STAC2: variants seen among roughly 807,000 people sequenced by gnomAD.
STAC2 encodes SH3 and cysteine rich domain 2, also known as SH3 and cysteine-rich domain-containing protein 2.
Under a neutral mutation model 49.0 loss-of-function variants are expected in STAC2, and 36 were observed. That is an observed-to-expected ratio of 0.74 (90% confidence interval 0.56 to 0.97). The LOEUF (loss-of-function observed/expected upper bound fraction) is 0.97. Ranked by LOEUF, STAC2 falls within the 50% of genes least tolerant of loss-of-function variation. The pLI is 0.00. For missense variants in STAC2, 527 were observed against 543.8 expected, an observed-to-expected ratio of 0.97 and a Z score of 0.31; for synonymous variants, 239 against 214.7, an observed-to-expected ratio of 1.11 and a Z score of -0.99.
chr17:39,217,750 A>AT (rs2046418445), intron 2 of STAC2, 117 bp downstream of exon 2: 1 of 1,050,922 alleles, frequency 9.5e-7, no homozygotes. Flanking sequence ...CAGAGGCACA[A>AT]TTAGTATTGG....
chr17:39,212,229 T>A lies in STAC2; in HGVS notation c.*63A>T. 2 of 1,274,284 alleles carry A rather than the reference T, an allele frequency of 1.6e-6. No individual in the cohort carries two copies. The highest frequency in any genetic ancestry group is 2.2e-6 in the Non-Finnish European group (2 of 894,462). The allele number at this position is 1,274,284 out of a possible 1,614,324, so 78.9% of individuals were successfully genotyped here. On this transcript the variant is annotated 3_prime_UTR_variant, in exon 11 of 11. Coordinates refer to ENST00000333461, the MANE Select transcript of STAC2 (RefSeq NM_198993.5). ...GAGTGGACAAGGGGGCCTGATCCCCTCCCTGGCCAGAAGCAAGGTCCAGGC... is the reference window on the plus strand; with the variant it reads ...GAGTGGACAAGGGGGCCTGATCCCCACCCTGGCCAGAAGCAAGGTCCAGGC...
intron 4 of STAC2, 126 bp from the exon 5 acceptor site, chr17:39,215,356 T>A: frequency 1.1e-6 from 1 of 919,656 alleles, no homozygotes; most frequent in Non-Finnish European, 1.7e-6. Flanking sequence ...GTCTTCCTCA[T>A]CCCAGAGATG....
chr17:39,221,262 A>AT (rs1308674351), intron 1 of STAC2, among the ~76,000 whole-genome samples: 3 of 150,822 alleles, frequency 2.0e-5, no homozygotes, highest in Non-Finnish European at 4.4e-5. Context: ...CACCTGGCTA[A>AT]TTTTTTGTAT....
chr17:39,225,621 T>G lies in STAC2; in HGVS notation c.-119A>C. 2.1e-6 allele frequency: 2 copies of G among 974,514 alleles called. No individual in the cohort carries two copies. Among genetic ancestry groups the G allele is most frequent in the Non-Finnish European group, 3.1e-6 (2 of 640,516 alleles). The allele number at this position is 974,514 out of a possible 1,614,324, so 60.4% of individuals were successfully genotyped here. A position where few individuals can be genotyped will look rare whatever the true frequency, so the allele number is the denominator to read the frequency against. Reference sequence around the variant, plus strand: ...CCGTTCTCCAGAGGCTGCCCCCAGTTAGCCCCCGGCACGGCAGCCCCCAAC... The same window carrying G: ...CCGTTCTCCAGAGGCTGCCCCCAGTGAGCCCCCGGCACGGCAGCCCCCAAC... On this transcript the variant is annotated 5_prime_UTR_variant, in exon 1 of 11. Transcript: ENST00000333461. This position sits in a 1 kb window ranked among gnomAD's most constrained non-coding sequence, Gnocchi z 8.2.
At chr17:39,224,389 T>G (rs1106769) in intron 1 of STAC2, among the ~76,000 whole-genome samples, 5,539 of 152,218 alleles carry the variant, frequency 0.036, 148 homozygotes, top group Non-Finnish European at 0.058. Context: ...GCACAGCCCT[T>G]TCTATCCCAA....
At position 39,217,952 on chromosome 17, in the gene STAC2, C is replaced by A. The variant is rs769193441; in HGVS notation, c.312G>T (p.Ala104=). Residue 104 remains alanine (A), a synonymous_variant, in exon 2 of 11, where the codon GCG becomes GCT. Transcript: ENST00000333461. ...SPCPVPRPLA[A]LKPVRLHSFQ... ...AGCTGTGCAGCCTCACTGGTTTGAG[C>A]GCTGCCAGGGGGCGTGGGACTGGGC... 5 of 1,597,524 alleles carry A rather than the reference C, an allele frequency of 3.1e-6. No individual in the cohort carries two copies. The highest frequency in any genetic ancestry group is 4.3e-6 in the Non-Finnish European group (5 of 1,172,704).
chr17:39,214,881 AG>A lies in STAC2; in HGVS notation c.773-21del. 6.2e-7 allele frequency: 1 copy of A among 1,613,972 alleles called. No individual in the cohort carries two copies. The highest frequency in any genetic ancestry group is 8.5e-7 in the Non-Finnish European group (1 of 1,179,938). Reference sequence around the variant, plus strand: ...GAGATGCTAGGGGCAGGAGAGGGAAAGGGTGAGAGGCAGCAGGGAGCACCCT... The same window carrying A: ...GAGATGCTAGGGGCAGGAGAGGGAAAGGTGAGAGGCAGCAGGGAGCACCCT... On this transcript the variant is annotated intron_variant, in intron 6 of 10. Transcript: ENST00000333461.
intron 1 of STAC2, among the ~76,000 whole-genome samples, chr17:39,221,358 C>G (rs899117875): frequency 5.9e-5 from 9 of 152,182 alleles, no homozygotes; most frequent in Admixed American, 1.3e-4. Context: ...CTTGGCCTCC[C>G]AAAGTGCTGG....
rs1555594193 is a variant in STAC2, at chr17:39,218,104, G to A, written c.160C>T (p.Leu54Phe). ...LRSKSLENFFLRSGSELKCPT... is the reference protein window; with the variant it reads ...LRSKSLENFFFRSGSELKCPT... Reference sequence around the variant, plus strand: ...CACTTGAGCTCAGAGCCCGAGCGAAGGAAGAAGTTCTCCAAGCTCTTACTT... The same window carrying A: ...CACTTGAGCTCAGAGCCCGAGCGAAAGAAGAAGTTCTCCAAGCTCTTACTT... Residue 54 changes from leucine to phenylalanine, a missense_variant, in exon 2 of 11, where the codon CTT becomes TTT. Transcript: ENST00000333461. The A allele has an allele frequency of 6.2e-7, 1 of 1,613,230 alleles. No homozygotes were observed. Among genetic ancestry groups the A allele is most frequent in the Admixed American group, 1.7e-5 (1 of 60,000 alleles).
chr17:39,221,661 G>A (rs766735568), intron 1 of STAC2, among the ~76,000 whole-genome samples: 3 of 152,166 alleles, frequency 2.0e-5, no homozygotes, highest in Non-Finnish European at 2.9e-5. Flanking sequence ...TTGAACCAGC[G>A]GCTTCGGCTG....
intron 7 of STAC2, 108 bp from the exon 8 acceptor site, chr17:39,214,438 G>T: frequency 1.9e-6 from 3 of 1,545,434 alleles, no homozygotes; most frequent in Non-Finnish European, 1.7e-6. Context: ...GACACAGTGA[G>T]TCCTAGGTCA....
At position 39,217,129 on chromosome 17, in the gene STAC2, C is replaced by T. The variant is rs141087047; in HGVS notation, c.442G>A (p.Val148Ile). 101 of 1,613,988 alleles carry T rather than the reference C, an allele frequency of 6.3e-5. No individual in the cohort carries two copies. The highest frequency in any genetic ancestry group is 1.9e-4 in the South Asian group (17 of 91,086). The change falls in exon 3 of 11, where the codon GTC (valine) becomes ATC (isoleucine). Residue 148 changes from valine (V) to isoleucine (I), a missense_variant. Physicochemically the swap from Val to Ile is conservative, Grantham distance 29 (BLOSUM62 3). Transcript: ENST00000333461. Reference sequence around the variant, plus strand: ...ATCTCCTCAGAGCACCAGAGGTGGACGCTGACTTTGCACATCTTACATCGC... The same window carrying T: ...ATCTCCTCAGAGCACCAGAGGTGGATGCTGACTTTGCACATCTTACATCGC... ...GLRCKMCKVS[V>I]HLWCSEEISH...
rs566841887 is a variant in STAC2 at position 39,210,605 on chromosome 17, C to T, written c.*1687G>A. On this transcript the variant is annotated 3_prime_UTR_variant, in exon 11 of 11. Coordinates refer to ENST00000333461, the MANE Select transcript of STAC2 (RefSeq NM_198993.5). ...CAAGGCCCCAGACCCATCATGCAGC[C>T]TCATGTACAGTGGGCATTGGGCCCG... 4.6e-5 allele frequency: 7 copies of T among 152,652 alleles called. No individual in the cohort carries two copies. In the East Asian group the frequency reaches 1.1e-3, roughly 25 times the overall value. The allele number at this position is 152,652 out of a possible 1,614,324, so 9.5% of individuals were successfully genotyped here.
rs180780608 is a variant in STAC2, at chr17:39,225,718, G to C, written c.-216C>G. On this transcript the variant is annotated 5_prime_UTR_variant, in exon 1 of 11. Transcript: ENST00000333461. This position sits in a 1 kb window ranked among gnomAD's most constrained non-coding sequence, Gnocchi z 8.2. ...GGCCACCACGCTGAGCCGCAGGAGC[G>C]GGACGACCCCGGGCGCGAGGACCGA... 1.4e-3 allele frequency: 800 copies of C among 584,402 alleles called. 6 individuals are homozygous for C. The African/African-American group carries it at 0.014, about 10-fold the overall frequency. 36.2% of individuals were successfully genotyped at this position (584,402 alleles called of 1,614,324 possible). A position where few individuals can be genotyped will look rare whatever the true frequency, so the allele number is the denominator to read the frequency against.
intron 1 of STAC2, among the ~76,000 whole-genome samples, chr17:39,218,997 A>G (rs1345565529): frequency 6.6e-6 from 1 of 151,412 alleles, no homozygotes; most frequent in East Asian, 1.9e-4. Flanking sequence ...TTGACTCGTC[A>G]CCTCACAGCC....
chr17:39,212,480 A>C (rs1472855236), intron 10 of STAC2, 84 bp from the exon 11 acceptor site: 2 of 1,005,128 alleles, frequency 2.0e-6, no homozygotes, highest in Admixed American at 2.1e-5. Flanking sequence ...CAGGGGACCC[A>C]CCCTGGGGGA....
chr17:39,212,844 G>A, intron 10 of STAC2, 151 bp downstream of exon 10: 1 of 1,283,552 alleles, frequency 7.8e-7, no homozygotes, highest in South Asian at 1.5e-5. Flanking sequence ...CTGGTAGGAG[G>A]GCCCTGCAAC....
intron 10 of STAC2, 64 bp from the exon 11 acceptor site, chr17:39,212,460 C>T: frequency 1.5e-6 from 2 of 1,353,846 alleles, no homozygotes. Flanking sequence ...TGAGTCCTGC[C>T]CATGGCCCCC....
rs528924839 is a variant in STAC2 at position 39,218,212 on chromosome 17, G to C, written c.91-39C>G. On this transcript the variant is annotated intron_variant, in intron 1 of 10. Transcript: ENST00000333461. The stretch of plus-strand genomic sequence containing the variant: ...AGGGAGCTGTGAGTGGGAGCCTAGA[G>C]GGGGCTGGCCAGGGCGGGCTTCCCT... The C allele has an allele frequency of 3.3e-5, 53 of 1,610,988 alleles. No homozygotes were observed. The African/African-American group carries it at 6.4e-4, about 19-fold the overall frequency.
Sources: gnomAD v4.1 joint callset for allele counts (sites outside exome capture counted in the v4.1 genomes callset) on GRCh38, gnomAD v4.1.1 for gene constraint, Gnocchi (gnomAD v3.1) non-coding constraint, MANE v1.5 for transcripts, NCBI Gene and HGNC (gene_info 2026-07-23, HGNC 2026-07-21) for gene names.